Variants in POM121 observed in about 807,000 individuals in gnomAD.
POM121 encodes the protein nuclear envelope pore membrane protein POM 121.
A neutral mutation model predicts 81.3 loss-of-function variants in POM121; 32 were observed. The ratio of observed to expected loss-of-function variants is 0.39; its 90% CI spans 0.30 to 0.53. The LOEUF is 0.53. Ranked by LOEUF, POM121 falls within the 20% of genes least tolerant of loss-of-function variation. The probability of loss-of-function intolerance (pLI) is 0.66; values close to 1 mark genes in which losing one functional copy is unlikely to be tolerated. For synonymous variants in POM121, 514 were observed against 694.2 expected (o/e 0.74, Z 4.08); for missense variants, 1,138 against 1,614.6 (o/e 0.70, Z 5.06).
intron 3 of POM121, among the ~76,000 whole-genome samples, chr7:72,905,632 G>A (rs1325561026): frequency 2.6e-5 from 4 of 152,308 alleles, no homozygotes; most frequent in South Asian, 2.1e-4. Flanking sequence ...CCCAGGAGGC[G>A]GAGGTTGCAG....
chr7:72,924,928 C>G, upstream of POM121: 2 of 1,026,346 alleles, frequency 1.9e-6, no homozygotes, highest in Non-Finnish European at 2.6e-6. Context: ...CTGGGAGCCA[C>G]GCGGAAAACC....
At chr7:72,917,940 C>T (rs1554495364) in intron 4 of POM121, among the ~76,000 whole-genome samples, 3 of 152,158 alleles carry the variant, frequency 2.0e-5, no homozygotes, top group Non-Finnish European at 4.4e-5. Context: ...GTCCACTGGA[C>T]AGGGGGCCCT....
chr7:72,903,471 T>G (rs782771831), intron 3 of POM121, among the ~76,000 whole-genome samples: 16 of 152,194 alleles, frequency 1.1e-4, no homozygotes, highest in Non-Finnish European at 2.2e-4. Flanking sequence ...AGTATTATAA[T>G]GGGGTAACTG....
chr7:72,927,192 A>G (rs1216890188), intron 3 of POM121, among the ~76,000 whole-genome samples: 2 of 152,238 alleles, frequency 1.3e-5, no homozygotes, highest in Non-Finnish European at 2.9e-5. Context: ...TAGTAGAGAT[A>G]AGCTGACTGC....
chr7:72,887,976 C>T (rs1277222821), intron 1 of POM121, among the ~76,000 whole-genome samples: 2 of 152,168 alleles, frequency 1.3e-5, no homozygotes, highest in Non-Finnish European at 2.9e-5. Context: ...GTTAATTTAT[C>T]ACACCTGAGG....
At chr7:72,900,711 C>T (rs1313208351) in intron 3 of POM121, among the ~76,000 whole-genome samples, 1 of 151,948 alleles carries the variant, frequency 6.6e-6, no homozygotes, top group Non-Finnish European at 1.5e-5. Context: ...ACCATGTTGG[C>T]CAGGCTGGTG....
chr7:72,934,845 T>C (rs1796363419), intron 5 of POM121, among the ~76,000 whole-genome samples: 1 of 152,052 alleles, frequency 6.6e-6, no homozygotes, highest in African/African-American at 2.4e-5. Context: ...TATATGTGGG[T>C]CCATTTCTAG....
In POM121 at chr7:72,925,227, C is replaced by T. The variant is rs1554496886; in HGVS notation, c.106C>T (p.Leu36Phe). ...RGCGGPARAV[L>F]LGLSLVGLLL... ...CTGCGGCGGGCCGGCCAGGGCGGTG[C>T]TCCTGGGCCTGTCGCTGGTTGGCCT... Residue 36 changes from leucine (L) to phenylalanine (F), a missense_variant, in exon 1 of 13, where the codon CTC (leucine) becomes TTC (phenylalanine). By Grantham distance (22) the Leu-to-Phe change is conservative. Transcript: ENST00000434423. 1.3e-6 allele frequency: 2 copies of T among 1,532,630 alleles called. No homozygotes were observed. Among genetic ancestry groups the T allele is most frequent in the East Asian group, 2.5e-5 (1 of 40,798 alleles). The allele number at this position is 1,532,630 out of a possible 1,614,324, so 94.9% of individuals were successfully genotyped here.
chr7:72,927,040 G>A (rs1356346982), intron 3 of POM121, 77 bp downstream of exon 3: 27 of 1,606,054 alleles, frequency 1.7e-5, no homozygotes, highest in Non-Finnish European at 2.2e-5. Context: ...TTCCCATATA[G>A]ATACAGAGGC....
chr7:72,924,762 G>T (rs1224037339), upstream of POM121: 1 of 245,180 alleles, frequency 4.1e-6, no homozygotes, highest in Non-Finnish European at 7.7e-6. Flanking sequence ...ACAACCGCTA[G>T]TAGCGTTTGT....
At chr7:72,886,375 T>C (rs1790720920) in intron 1 of POM121, among the ~76,000 whole-genome samples, 1 of 152,072 alleles carries the variant, frequency 6.6e-6, no homozygotes, top group African/African-American at 2.4e-5. Context: ...GGTTTCGCCA[T>C]GTTGGCCAGG....
chr7:72,925,029 C>A (rs1192440944), upstream of POM121: 2 of 1,331,560 alleles, frequency 1.5e-6, no homozygotes, highest in South Asian at 4.0e-5. Context: ...CTCCCGGAGT[C>A]GCGCGCGCAT....
chr7:72,879,846 C>T (rs1396053482), exon 1 of POM121: 9 of 511,736 alleles, frequency 1.8e-5, no homozygotes, highest in Non-Finnish European at 3.5e-5. Flanking sequence ...GCCCCGGCCT[C>T]TCGGGAGCCG....
chr7:72,928,633 C>T (rs1554498029), intron 4 of POM121, among the ~76,000 whole-genome samples, 168 bp downstream of exon 4: 1 of 152,206 alleles, frequency 6.6e-6, no homozygotes, highest in Non-Finnish European at 1.5e-5. Context: ...TAACTGCCTT[C>T]TGTCTAATTC....
intron 6 of POM121, among the ~76,000 whole-genome samples, 189 bp from the exon 7 acceptor site, chr7:72,939,147 G>A (rs1418144574): frequency 6.6e-6 from 1 of 152,172 alleles, no homozygotes; most frequent in African/African-American, 2.4e-5. Flanking sequence ...TGTCTTCATG[G>A]CCTCTGTGAA....
intron 7 of POM121, among the ~76,000 whole-genome samples, 166 bp from the exon 8 acceptor site, chr7:72,939,681 G>A (rs1327230055): frequency 6.6e-6 from 1 of 152,188 alleles, no homozygotes; most frequent in Non-Finnish European, 1.5e-5. Context: ...CGGTTTGTGT[G>A]CGCGCCTTAA....
chr7:72,910,559 A>T (rs1793708079), intron 3 of POM121, among the ~76,000 whole-genome samples: 1 of 151,912 alleles, frequency 6.6e-6, no homozygotes, highest in African/African-American at 2.4e-5. Context: ...CCTTCCACAC[A>T]GTCTTTCCAG....
At chr7:72,937,509 C>T (rs1293013621) in intron 5 of POM121, among the ~76,000 whole-genome samples, 6 of 151,964 alleles carry the variant, frequency 3.9e-5, no homozygotes, top group South Asian at 2.1e-4. Flanking sequence ...CTCCTGGGCC[C>T]GGCTTCCTGA....
chr7:72,918,061 A>G (rs1299234879), intron 4 of POM121, among the ~76,000 whole-genome samples: 1 of 152,204 alleles, frequency 6.6e-6, no homozygotes, highest in African/African-American at 2.4e-5. Context: ...CTAATTTACT[A>G]CTGCTATCTA....
Sources: gnomAD v4.1 joint callset for allele counts (sites outside exome capture counted in the v4.1 genomes callset) on GRCh38, gnomAD v4.1.1 for gene constraint, MANE v1.5 for transcripts, NCBI Gene and HGNC (gene_info 2026-07-23, HGNC 2026-07-21) for gene names.